DOCK9: variants seen among roughly 807,000 people sequenced by gnomAD.
DOCK9 encodes the protein dedicator of cytokinesis protein 9.
Under a neutral mutation model 263.3 loss-of-function variants are expected in DOCK9, and 89 were observed. That is an observed-to-expected ratio of 0.34 (90% confidence interval 0.28 to 0.40). DOCK9 has a LOEUF of 0.40. Among genes scored for constraint, DOCK9 ranks in the 10% least tolerant of loss-of-function variants. DOCK9 has a pLI of 1.00. For synonymous variants in DOCK9, 976 were observed against 973.1 expected, an observed-to-expected ratio of 1.00 and a Z score of -0.06; for missense variants, 2,140 against 2,603.4, an observed-to-expected ratio of 0.82 and a Z score of 3.87.
chr13:98,999,350 T>C (rs1881823832), intron 1 of DOCK9, among the ~76,000 whole-genome samples: 1 of 148,430 alleles, frequency 6.7e-6, no homozygotes, highest in South Asian at 2.2e-4. Flanking sequence ...AGGTGACTAA[T>C]GAGAGGATAC....
chr13:99,058,782 T>C (rs2041047887), intron 1 of DOCK9, among the ~76,000 whole-genome samples: 1 of 152,032 alleles, frequency 6.6e-6, no homozygotes, highest in South Asian at 2.1e-4. Flanking sequence ...CCTAAAGCAC[T>C]CATAGGGCAC....
intron 33 of DOCK9, chr13:98,860,086 CA>C (rs2093817117): frequency 1.6e-5 from 14 of 876,390 alleles, no homozygotes; most frequent in Non-Finnish European, 2.1e-5. Flanking sequence ...CCACCACCTG[CA>C]AAAATATCCC....
Position 98,922,091 on chromosome 13 carries a change from T to G in DOCK9, c.542A>C (p.Tyr181Ser). 6.2e-7 allele frequency: 1 copy of G among 1,602,452 alleles called. No homozygotes were observed. Among genetic ancestry groups the G allele is most frequent in the Non-Finnish European group, 8.5e-7 (1 of 1,175,060 alleles). ...GATGGCACTGTTCATGTTGCCTTTG[T>G]ACAGCCAGCCATGCTTGGTGATCCC... is the stretch of plus-strand genomic sequence containing the variant. ...KGGITKHGWL[Y>S]KGNMNSAISV... is the part of the protein sequence containing the mutation. Residue 181 changes from tyrosine (Y) to serine (S), a missense_variant, in exon 6 of 53, where the codon TAC becomes TCC. Tyr to Ser is a moderately radical substitution (Grantham distance 144). Transcript: ENST00000682017.
At chr13:98,848,500 A>G (rs904530508) in intron 37 of DOCK9, 92 bp downstream of exon 37, 1 of 1,385,912 alleles carries the variant, frequency 7.2e-7, no homozygotes, top group Non-Finnish European at 1.0e-6. Flanking sequence ...CATGAACCCC[A>G]ACTGCCAACC....
chr13:99,037,607 A>G (rs2142102385), intron 1 of DOCK9, among the ~76,000 whole-genome samples: 1 of 152,354 alleles, frequency 6.6e-6, no homozygotes, highest in South Asian at 2.1e-4. Flanking sequence ...TTCCACTGCT[A>G]TTATAGATAT....
At chr13:98,904,894 T>G (rs2048852133) in intron 9 of DOCK9, among the ~76,000 whole-genome samples, 188 bp from the exon 10 acceptor site, 1 of 152,008 alleles carries the variant, frequency 6.6e-6, no homozygotes, top group Admixed American at 6.6e-5. Flanking sequence ...GAAAAAGAAG[T>G]GAAGGTGAGA....
chr13:98,796,084 G>A lies in DOCK9; in HGVS notation c.6156+1031C>T, dbSNP rs1270475855. 4.2e-6 allele frequency: 3 copies of A among 709,114 alleles called. No individual in the cohort carries two copies. In the Admixed American group the frequency reaches 6.8e-5, roughly 16 times the overall value. The allele number at this position is 709,114 out of a possible 1,614,324, so 43.9% of individuals were successfully genotyped here. On this transcript the variant is annotated intron_variant, in intron 52 of 52. Coordinates refer to ENST00000682017, the MANE Select transcript of DOCK9 (RefSeq NM_001366683.2). ...TCTACTTTTTAAAATGTCCAGAAGA[G>A]GGTGCTTTCCTCTGCCCATGTACTG... is the stretch of plus-strand genomic sequence containing the variant.
intron 1 of DOCK9, among the ~76,000 whole-genome samples, chr13:98,987,212 A>G (rs1878678576): frequency 6.6e-6 from 1 of 152,262 alleles, no homozygotes; most frequent in South Asian, 2.1e-4. Context: ...TTAGCTTGAT[A>G]TAATCATTCC....
chr13:98,956,537 A>G (rs2058081498), intron 1 of DOCK9, among the ~76,000 whole-genome samples: 1 of 152,136 alleles, frequency 6.6e-6, no homozygotes, highest in Non-Finnish European at 1.5e-5. Context: ...ACCTGAGGTT[A>G]GGAGTTAGAG....
intron 2 of DOCK9, among the ~76,000 whole-genome samples, chr13:98,936,637 A>G (rs1366480028): frequency 1.2e-5 from 1 of 85,276 alleles, no homozygotes; most frequent in Non-Finnish European, 2.9e-5. Context: ...AAAAAAAAAA[A>G]GAAAGAAAGA....
Position 98,978,042 on chromosome 13 carries a change from C to T in DOCK9, c.-133G>A, listed in dbSNP as rs555977975. The T allele has an allele frequency of 1.2e-5, 18 of 1,444,352 alleles. No homozygotes were observed. Among genetic ancestry groups the T allele is most frequent in the Middle Eastern group, 2.5e-4 (1 of 3,940 alleles). The allele number at this position is 1,444,352 out of a possible 1,614,324, so 89.5% of individuals were successfully genotyped here. On this transcript the variant is annotated 5_prime_UTR_variant, in exon 1 of 53. Coordinates refer to ENST00000682017, the MANE Select transcript of DOCK9 (RefSeq NM_001366683.2). ...CTTCCCAGGCACAAGTGGTCAGCCC[C>T]GCTGGCTGGGTCTGCAGAGCCTGTG... is the stretch of plus-strand genomic sequence containing the variant.
At chr13:99,049,298 C>T (rs1191329937) in intron 1 of DOCK9, among the ~76,000 whole-genome samples, 1 of 152,206 alleles carries the variant, frequency 6.6e-6, no homozygotes, top group African/African-American at 2.4e-5. Flanking sequence ...AAGGAGGTAG[C>T]AGGCAATGCT....
chr13:98,880,219 G>A (rs565035651), intron 26 of DOCK9, among the ~76,000 whole-genome samples: 3 of 152,094 alleles, frequency 2.0e-5, no homozygotes, highest in South Asian at 2.1e-4. Flanking sequence ...CAACCAGCAC[G>A]AGGCTCTGTG....
At chr13:99,034,037 TC>T (rs1887609147) in intron 1 of DOCK9, among the ~76,000 whole-genome samples, 2 of 152,154 alleles carry the variant, frequency 1.3e-5, no homozygotes, top group Non-Finnish European at 2.9e-5. Flanking sequence ...TGGAAGATCC[TC>T]AGGATGAGAG....
chr13:98,859,181 G>C, intron 33 of DOCK9: 1 of 152,412 alleles, frequency 6.6e-6, no homozygotes, highest in East Asian at 1.9e-4. Flanking sequence ...TTCTGGAGCA[G>C]TGGCTGGGAA....
intron 5 of DOCK9, 123 bp downstream of exon 5, chr13:98,923,179 A>G: frequency 2.3e-6 from 2 of 865,692 alleles, no homozygotes; most frequent in South Asian, 1.5e-5. Flanking sequence ...TTCCCGTTTC[A>G]TGTAACACTC....
intron 1 of DOCK9, among the ~76,000 whole-genome samples, chr13:99,078,953 C>A (rs2042017303): frequency 6.6e-6 from 1 of 152,198 alleles, no homozygotes; most frequent in Admixed American, 6.5e-5. Flanking sequence ...ATTCTGCATT[C>A]TGGTTTATGT....
At chr13:98,821,355 T>C (rs2092265078) in intron 45 of DOCK9, among the ~76,000 whole-genome samples, 1 of 152,154 alleles carries the variant, frequency 6.6e-6, no homozygotes, top group African/African-American at 2.4e-5. Context: ...TCCTGCCAGG[T>C]GGTCCTTCTA....
intron 1 of DOCK9, among the ~76,000 whole-genome samples, chr13:99,047,684 A>G (rs555448545): frequency 2.6e-5 from 4 of 151,624 alleles, no homozygotes; most frequent in Non-Finnish European, 5.9e-5. Context: ...ATGCCCAGCT[A>G]ATTTTTTTTT....
Sources: gnomAD v4.1 joint callset for allele counts (sites outside exome capture counted in the v4.1 genomes callset) on GRCh38, gnomAD v4.1.1 for gene constraint, MANE v1.5 for transcripts, NCBI Gene and HGNC (gene_info 2026-07-23, HGNC 2026-07-21) for gene names.